Variants in RSRC1 observed in about 807,000 individuals in gnomAD.
RSRC1 encodes arginine and serine rich coiled-coil 1, also known as serine/Arginine-related protein 53.
Under a neutral mutation model 49.1 loss-of-function variants are expected in RSRC1, and 39 were observed. That is an observed-to-expected ratio of 0.79 (90% CI 0.61 to 1.04). The LOEUF is 1.04. RSRC1 is among the 50% of genes least tolerant of loss of function. RSRC1 has a pLI of 0.00. For synonymous variants in RSRC1, 143 were observed against 130.8 expected (o/e 1.09, Z -0.63); for missense variants, 388 against 402.4 (o/e 0.96, Z 0.31).
At chr3:158,394,429 T>C (rs967931999) in intron 6 of RSRC1, among the ~76,000 whole-genome samples, 8 of 151,616 alleles carry the variant, frequency 5.3e-5, no homozygotes, top group Non-Finnish European at 1.2e-4. Flanking sequence ...AAAACTCCTA[T>C]ATTTTGTATC....
intron 1 of RSRC1, 50 bp from the exon 2 acceptor site, chr3:158,122,053 C>A: frequency 2.9e-6 from 3 of 1,038,916 alleles, no homozygotes; most frequent in Middle Eastern, 2.4e-4. Context: ...TGCATTTCAT[C>A]CATTGTGCCA....
chr3:158,422,225 C>A, intron 6 of RSRC1, among the ~76,000 whole-genome samples: 1 of 111,754 alleles, frequency 8.9e-6, no homozygotes, highest in African/African-American at 3.3e-5. Context: ...TCCCTCCCCC[C>A]TCCCCCCACC....
chr3:158,302,366 A>C (rs1016728476), intron 5 of RSRC1, among the ~76,000 whole-genome samples: 8 of 152,288 alleles, frequency 5.3e-5, no homozygotes, highest in Non-Finnish European at 4.4e-5. Flanking sequence ...GGCTTAAAGG[A>C]AATGAGTGAA....
At chr3:158,242,802 A>G (rs1723668725) in intron 4 of RSRC1, among the ~76,000 whole-genome samples, 1 of 151,902 alleles carries the variant, frequency 6.6e-6, no homozygotes, top group Non-Finnish European at 1.5e-5. Context: ...TTCTCTAATA[A>G]TCTGTGATGT....
intron 1 of RSRC1, among the ~76,000 whole-genome samples, chr3:158,111,466 C>T (rs1328829785): frequency 6.6e-6 from 1 of 152,160 alleles, no homozygotes. Context: ...AGTTGTATTT[C>T]CTGCTTTCAT....
At chr3:158,223,994 G>A (rs1301838293) in intron 4 of RSRC1, among the ~76,000 whole-genome samples, 2 of 151,638 alleles carry the variant, frequency 1.3e-5, no homozygotes, top group African/African-American at 2.4e-5. Flanking sequence ...TTCTGTTTCT[G>A]TCCTTCAGAG....
chr3:158,491,717 A>T (rs1289928609), intron 7 of RSRC1, among the ~76,000 whole-genome samples: 1 of 152,206 alleles, frequency 6.6e-6, no homozygotes, highest in Non-Finnish European at 1.5e-5. Flanking sequence ...GAAGTAATGA[A>T]AATAAAGATA....
intron 4 of RSRC1, among the ~76,000 whole-genome samples, chr3:158,214,438 T>G (rs699927): frequency 0.39 from 58,951 of 151,520 alleles, 12,347 homozygotes; most frequent in East Asian, 0.64. Flanking sequence ...TTTTATTGAT[T>G]TCTGTTCTTT....
chr3:158,488,258 A>T (rs998807810), intron 7 of RSRC1, among the ~76,000 whole-genome samples: 2 of 152,146 alleles, frequency 1.3e-5, no homozygotes, highest in African/African-American at 2.4e-5. Context: ...AACTCTTTTA[A>T]TAAGTATAAA....
At chr3:158,276,286 C>G in intron 4 of RSRC1, 3 of 763,280 alleles carry the variant, frequency 3.9e-6, no homozygotes, top group Non-Finnish European at 7.2e-6. Flanking sequence ...CACAATTTAT[C>G]AGGCCAGATG....
chr3:158,285,561 A>G (rs1018359511), intron 4 of RSRC1, among the ~76,000 whole-genome samples: 5 of 151,980 alleles, frequency 3.3e-5, no homozygotes, highest in African/African-American at 1.2e-4. Context: ...ATCCTCTTTT[A>G]TTTCATTGAG....
intron 6 of RSRC1, among the ~76,000 whole-genome samples, chr3:158,356,781 A>G (rs895545798): frequency 1.3e-5 from 2 of 152,156 alleles, no homozygotes; most frequent in Non-Finnish European, 2.9e-5. Context: ...TGCTTAGCAC[A>G]GAAAACATTT....
intron 6 of RSRC1, among the ~76,000 whole-genome samples, chr3:158,376,350 C>T (rs1007877848): frequency 4.0e-4 from 60 of 151,642 alleles, no homozygotes; most frequent in Non-Finnish European, 1.5e-4. Flanking sequence ...TTTGTAGAGA[C>T]GGGGTTTCAC....
At chr3:158,310,005 A>T (rs904778252) in intron 5 of RSRC1, among the ~76,000 whole-genome samples, 7 of 151,758 alleles carry the variant, frequency 4.6e-5, no homozygotes, top group South Asian at 2.1e-4. Flanking sequence ...GAGTAGATTT[A>T]AAAAACTTAG....
chr3:158,145,542 G>GTA (rs1179954765), intron 3 of RSRC1, among the ~76,000 whole-genome samples: 5 of 152,130 alleles, frequency 3.3e-5, no homozygotes, highest in Non-Finnish European at 7.4e-5. Context: ...TAACCTTGTA[G>GTA]TATAGTTTGA....
At chr3:158,321,062 A>G (rs778754306) in intron 5 of RSRC1, among the ~76,000 whole-genome samples, 51 of 152,042 alleles carry the variant, frequency 3.4e-4, no homozygotes, top group Admixed American at 7.2e-4. Flanking sequence ...AATTTCTTAT[A>G]CTTCCTGACT....
At chr3:158,400,734 G>A (rs1410468737) in intron 6 of RSRC1, among the ~76,000 whole-genome samples, 3 of 152,084 alleles carry the variant, frequency 2.0e-5, no homozygotes, top group Non-Finnish European at 2.9e-5. Flanking sequence ...CAGCCATACA[G>A]TGCATCATTT....
intron 3 of RSRC1, among the ~76,000 whole-genome samples, chr3:158,155,385 C>T (rs1717797830): frequency 6.6e-6 from 1 of 152,114 alleles, no homozygotes; most frequent in Non-Finnish European, 1.5e-5. Flanking sequence ...CCTTGTACAT[C>T]TCCATCAGAG....
intron 7 of RSRC1, among the ~76,000 whole-genome samples, chr3:158,507,216 A>G (rs1172779374): frequency 1.3e-5 from 2 of 150,622 alleles, no homozygotes; most frequent in Non-Finnish European, 1.5e-5. Context: ...TAGAAAGTAG[A>G]ATCATGGTTA....
Sources: gnomAD v4.1 joint callset for allele counts (sites outside exome capture counted in the v4.1 genomes callset) on GRCh38, gnomAD v4.1.1 for gene constraint, MANE v1.5 for transcripts, NCBI Gene and HGNC (gene_info 2026-07-23, HGNC 2026-07-21) for gene names.